Variants in OTOF observed in about 807,000 individuals in gnomAD.
OTOF encodes fer-1-like family member 2.
OTOF carries 218 observed loss-of-function variants against 236.8 expected under a neutral mutation model. The ratio of observed to expected loss-of-function variants is 0.92; its 90% confidence interval spans 0.82 to 1.03. OTOF has a LOEUF of 1.03. Ranked by LOEUF, OTOF falls within the 50% of genes least tolerant of loss-of-function variation. The pLI, the probability that OTOF is intolerant of heterozygous loss-of-function variation, is 0.00. For synonymous variants in OTOF, 1,041 were observed against 1,072.5 expected, an observed-to-expected ratio of 0.97 and a Z score of 0.57; for missense variants, 2,590 against 2,694.4, an observed-to-expected ratio of 0.96 and a Z score of 0.86.
Position 26,460,239 on chromosome 2 carries a change from G to C in OTOF, c.5814-34C>G. 6.4e-7 allele frequency: 1 copy of C among 1,551,440 alleles called. No individual in the cohort carries two copies. ...TGAAGGGTAGAGAGCGCAGAGGAGGGACAGGGAGGAGAAGGGATTGGGTGT... is the reference window on the plus strand; with the variant it reads ...TGAAGGGTAGAGAGCGCAGAGGAGGCACAGGGAGGAGAAGGGATTGGGTGT... On this transcript the variant is annotated intron_variant, in intron 45 of 46. Transcript: ENST00000272371. This position sits in a 1 kb window ranked among gnomAD's most constrained non-coding sequence, Gnocchi z 5.3.
In OTOF at chr2:26,477,038, C is replaced by G. The variant is rs1469050680; in HGVS notation, c.2529G>C (p.Gln843His). Residue 843 changes from glutamine to histidine, a missense_variant, in exon 22 of 47, where the codon CAG becomes CAC. Coordinates refer to ENST00000272371, the MANE Select transcript of OTOF (RefSeq NM_194248.3). The surrounding 1 kb of genome is among the most constrained non-coding windows in gnomAD (Gnocchi z 4.7). ...QKLRFLADEP[Q>H]HSIPDIFIWM... ...AGATGAAGATGTCGGGAATGCTGTG[C>G]TGGGGCTGGGGGTTGGGGGGTGGCC... The G allele has an allele frequency of 5.2e-6, 7 of 1,352,740 alleles. No homozygotes were observed. Among genetic ancestry groups the G allele is most frequent in the Non-Finnish European group, 7.2e-6 (7 of 967,008 alleles). The allele number at this position is 1,352,740 out of a possible 1,614,324, so 83.8% of individuals were successfully genotyped here.
intron 5 of OTOF, chr2:26,510,621 C>G: frequency 1.1e-6 from 1 of 904,084 alleles, no homozygotes; most frequent in South Asian, 1.4e-5. Context: ...CAGCCGAGCC[C>G]ATCCCGCCCT....
intron 12 of OTOF, among the ~76,000 whole-genome samples, chr2:26,484,153 C>T (rs1254486714): frequency 6.6e-6 from 1 of 152,222 alleles, no homozygotes; most frequent in Non-Finnish European, 1.5e-5. Flanking sequence ...AATTGGCACA[C>T]CAGAAGAAAC....
At chr2:26,499,194 G>T (rs994731646) in intron 8 of OTOF, among the ~76,000 whole-genome samples, 1 of 152,102 alleles carries the variant, frequency 6.6e-6, no homozygotes, top group African/African-American at 2.4e-5. Context: ...CACATTCACA[G>T]GGGGGTGACT....
intron 3 of OTOF, among the ~76,000 whole-genome samples, chr2:26,525,651 T>A (rs1666783456): frequency 6.6e-6 from 1 of 151,796 alleles, no homozygotes; most frequent in South Asian, 2.1e-4. Context: ...GACTGCAAAG[T>A]TGGGTGAAAA....
intron 6 of OTOF, among the ~76,000 whole-genome samples, chr2:26,503,033 C>G (rs1666154581): frequency 6.6e-6 from 1 of 152,152 alleles, no homozygotes; most frequent in South Asian, 2.1e-4. Flanking sequence ...TGTACTCTCT[C>G]CATTTAAGAA....
At position 26,489,710 on chromosome 2, in the gene OTOF, C is replaced by A; in HGVS notation, c.928G>T (p.Asp310Tyr). ...TTGATGATCTTGTCAAACATGACAT[C>A]CGGAGAGACATGGAAGTCGAAGACG... is the stretch of plus-strand genomic sequence containing the variant. ...YFVFDFHVSP[D>Y]VMFDKIIKIS... is the part of the protein sequence containing the mutation. Residue 310 changes from aspartate (D) to tyrosine (Y), a missense_variant, in exon 10 of 47, where the codon GAT (aspartate) becomes TAT (tyrosine). Asp to Tyr is a radical substitution (Grantham distance 160). This residue lies in a region of OTOF where 1,379 missense variants were observed against 1,341.6 expected (regional missense o/e 1.03). Coordinates refer to ENST00000272371, the MANE Select transcript of OTOF (RefSeq NM_194248.3). 6.2e-7 allele frequency: 1 copy of A among 1,613,044 alleles called. No homozygotes were observed. The highest frequency in any genetic ancestry group is 8.5e-7 in the Non-Finnish European group (1 of 1,179,946).
rs144104063 is a variant in OTOF, at chr2:26,534,940, G to C, written c.138+2776C>G. On this transcript the variant is annotated intron_variant, in intron 2 of 46. Coordinates refer to ENST00000272371, the MANE Select transcript of OTOF (RefSeq NM_194248.3). ...CCACTGGCAGGCAGATTCTTTCAGG[G>C]GGAAGCCAGGGAAGTTTACAACTTG... Among the ~76,000 whole-genome samples, 202 of 152,358 alleles carry C rather than the reference G, an allele frequency of 1.3e-3. 1 individual carries two copies. Among genetic ancestry groups the C allele is most frequent in the African/African-American group, 4.5e-3 (189 of 41,576 alleles).
At chr2:26,510,286 C>G (rs1257422930) in intron 5 of OTOF, among the ~76,000 whole-genome samples, 2 of 152,258 alleles carry the variant, frequency 1.3e-5, no homozygotes, top group South Asian at 2.1e-4. Flanking sequence ...CCTTATGCCT[C>G]CAGCTGCCTG....
At position 26,457,972 on chromosome 2, in the gene OTOF, GAA is replaced by G; in HGVS notation, c.*264_*265del. On this transcript the variant is annotated 3_prime_UTR_variant, in exon 47 of 47. Coordinates refer to ENST00000272371, the MANE Select transcript of OTOF (RefSeq NM_194248.3). This position sits in a 1 kb window ranked among gnomAD's most constrained non-coding sequence, Gnocchi z 4.4. Reference sequence around the variant, plus strand: ...TCCTCAGGCTCCCCAGGGGAGATGGGAAAGAGTCCAAGCCACTGAAAGGAAAT... The same window carrying G: ...TCCTCAGGCTCCCCAGGGGAGATGGGAGAGTCCAAGCCACTGAAAGGAAAT... 2 of 1,490,846 alleles carry G rather than the reference GAA, an allele frequency of 1.3e-6. No individual in the cohort carries two copies. The highest frequency in any genetic ancestry group is 9.2e-7 in the Non-Finnish European group (1 of 1,085,654). The allele number at this position is 1,490,846 out of a possible 1,614,324, so 92.4% of individuals were successfully genotyped here. A position where few individuals can be genotyped will look rare whatever the true frequency, so the allele number is the denominator to read the frequency against.
intron 15 of OTOF, 30 bp downstream of exon 15, chr2:26,480,756 T>TG: frequency 1.3e-6 from 2 of 1,585,128 alleles, no homozygotes; most frequent in Middle Eastern, 2.1e-4. Context: ...CTGGAGGCCC[T>TG]GGGGGACAGC....
chr2:26,536,106 A>T (rs1028671509), intron 2 of OTOF, among the ~76,000 whole-genome samples: 2 of 152,144 alleles, frequency 1.3e-5, no homozygotes, highest in African/African-American at 4.8e-5. Flanking sequence ...TCTCCCAGCC[A>T]GCCCAGTGCC....
At chr2:26,478,431 G>A (rs931565933) in intron 18 of OTOF, among the ~76,000 whole-genome samples, 1 of 152,200 alleles carries the variant, frequency 6.6e-6, no homozygotes, top group African/African-American at 2.4e-5. Context: ...TATAAAATAT[G>A]AGCTGGCTGA....
chr2:26,545,455 C>T (rs377403500), intron 1 of OTOF, among the ~76,000 whole-genome samples: 1 of 152,078 alleles, frequency 6.6e-6, no homozygotes, highest in East Asian at 1.9e-4. Context: ...TGTGACTTGC[C>T]TTCTCTTGCC....
At chr2:26,542,159 A>G (rs1407467761) in intron 1 of OTOF, among the ~76,000 whole-genome samples, 1 of 152,208 alleles carries the variant, frequency 6.6e-6, no homozygotes, top group Non-Finnish European at 1.5e-5. Flanking sequence ...ATTTAAGGGG[A>G]CAAAATGTTC....
At position 26,458,221 on chromosome 2, in the gene OTOF, C is replaced by A; in HGVS notation, c.*18-1G>T. On this transcript the variant is annotated splice_acceptor_variant, in intron 46 of 46. Transcript: ENST00000272371. LOFTEE classifies it low-confidence loss of function (3UTR_SPLICE). ...CCAGACGAAGGCCGTGTCGGGCCGG[C>A]TGGGAAGTGGAAGAGAGGAGCCGGT... The A allele has an allele frequency of 6.3e-7, 1 of 1,575,612 alleles. No individual in the cohort carries two copies. Among genetic ancestry groups the A allele is most frequent in the Non-Finnish European group, 8.6e-7 (1 of 1,160,568 alleles).
chr2:26,475,955 A>C lies in OTOF; in HGVS notation c.2950T>G (p.Phe984Val). The change falls in exon 24 of 47, where the codon TTT (phenylalanine) becomes GTT (valine). Residue 984 changes from phenylalanine to valine, a missense_variant. Physicochemically the swap from Phe to Val is conservative, Grantham distance 50. Coordinates refer to ENST00000272371, the MANE Select transcript of OTOF (RefSeq NM_194248.3). ...TGATTGATGAAGAAGACGCGGGCAAAGGGGTCTGAGAGTCCGCTGCTGTCG... is the reference window on the plus strand; with the variant it reads ...TGATTGATGAAGAAGACGCGGGCAACGGGGTCTGAGAGTCCGCTGCTGTCG... Reference protein sequence around the residue: ...AADSSGLSDPFARVFFINQSQ... With the variant: ...AADSSGLSDPVARVFFINQSQ... 6.2e-7 allele frequency: 1 copy of C among 1,612,088 alleles called. No homozygotes were observed. The highest frequency in any genetic ancestry group is 1.1e-5 in the South Asian group (1 of 90,818).
At chr2:26,549,348 T>C (rs181412362) in intron 1 of OTOF, among the ~76,000 whole-genome samples, 31 of 152,314 alleles carry the variant, frequency 2.0e-4, no homozygotes, top group Admixed American at 3.3e-4. Context: ...TCTTCAATTT[T>C]ATAATGACAG....
At chr2:26,558,360 G>T in intron 1 of OTOF, 133 bp downstream of exon 1, 3 of 767,562 alleles carry the variant, frequency 3.9e-6, no homozygotes, top group East Asian at 5.2e-5. Context: ...CTGTGAAAAG[G>T]CTCGTCGCCC....
Sources: allele counts gnomAD v4.1 joint callset (sites outside exome capture counted in the v4.1 genomes callset), GRCh38; gene constraint gnomAD v4.1.1; regional missense constraint gnomAD v4.1.1; non-coding constraint Gnocchi (gnomAD v3.1); transcripts MANE v1.5; gene names NCBI Gene and HGNC (gene_info 2026-07-23, HGNC 2026-07-21).